EYS: variants seen among roughly 807,000 people sequenced by gnomAD.
The protein encoded by EYS is protein eyes shut homolog.
A neutral mutation model predicts 282.1 loss-of-function variants in EYS; 250 were observed. The observed-to-expected ratio is 0.89, with a 90% confidence interval of 0.80 to 0.98. The LOEUF (loss-of-function observed/expected upper bound fraction) is 0.98. Among genes scored for constraint, EYS ranks in the 50% least tolerant of loss-of-function variants. The pLI, the probability that EYS is intolerant of heterozygous loss-of-function variation, is 0.00. For missense variants in EYS, 4,016 were observed against 3,709.0 expected (o/e 1.08, Z -2.15); for synonymous variants, 1,355 against 1,282.9 (o/e 1.06, Z -1.20).
At chr6:63,862,350 T>C (rs1772556334) in intron 36 of EYS, among the ~76,000 whole-genome samples, 1 of 152,190 alleles carries the variant, frequency 6.6e-6, no homozygotes, top group African/African-American at 2.4e-5. Flanking sequence ...CTGGCAACTT[T>C]GTGGAATATA....
intron 30 of EYS, among the ~76,000 whole-genome samples, chr6:64,251,365 A>G (rs1485514568): frequency 6.6e-6 from 1 of 152,112 alleles, no homozygotes; most frequent in Non-Finnish European, 1.5e-5. Flanking sequence ...TGGACCTCAG[A>G]GAATTATGGT....
At chr6:64,104,882 A>C (rs1380427773) in intron 31 of EYS, among the ~76,000 whole-genome samples, 5 of 151,934 alleles carry the variant, frequency 3.3e-5, no homozygotes, top group Non-Finnish European at 7.4e-5. Context: ...ACAGCCTTTT[A>C]AGTCAATTCT....
At chr6:65,672,072 A>G (rs1020115066) in intron 1 of EYS, among the ~76,000 whole-genome samples, 4 of 152,226 alleles carry the variant, frequency 2.6e-5, no homozygotes, top group Middle Eastern at 3.4e-3. Context: ...ATGCTTGAGG[A>G]TACTGAAAAC....
chr6:64,814,918 C>T (rs967688499), intron 21 of EYS, among the ~76,000 whole-genome samples: 2 of 151,816 alleles, frequency 1.3e-5, no homozygotes, highest in African/African-American at 4.8e-5. Flanking sequence ...TAATTGACAC[C>T]TATGCTTACA....
intron 29 of EYS, among the ~76,000 whole-genome samples, chr6:64,386,071 T>A (rs1050692761): frequency 6.6e-6 from 1 of 152,182 alleles, no homozygotes; most frequent in Non-Finnish European, 1.5e-5. Flanking sequence ...CACAGCCATA[T>A]GTTAATGATC....
At chr6:64,296,177 GAA>G (rs1362621231) in intron 30 of EYS, among the ~76,000 whole-genome samples, 3 of 152,082 alleles carry the variant, frequency 2.0e-5, no homozygotes, top group Non-Finnish European at 4.4e-5. Flanking sequence ...TAAATTATTT[GAA>G]AAGTCTATTA....
At chr6:65,281,727 G>A (rs1768224785) in intron 12 of EYS, among the ~76,000 whole-genome samples, 1 of 152,030 alleles carries the variant, frequency 6.6e-6, no homozygotes, top group Non-Finnish European at 1.5e-5. Context: ...AAGAGAATAG[G>A]TATGGATTGA....
intron 12 of EYS, among the ~76,000 whole-genome samples, chr6:65,070,037 A>G (rs1773859787): frequency 6.6e-6 from 1 of 151,906 alleles, no homozygotes. Flanking sequence ...CTGTAATTTT[A>G]TCTCCATTTA....
chr6:63,897,940 A>G (rs1274500740), intron 35 of EYS, among the ~76,000 whole-genome samples: 3 of 152,212 alleles, frequency 2.0e-5, no homozygotes, highest in Non-Finnish European at 4.4e-5. Flanking sequence ...GAGATGAAGC[A>G]GCTGGAAGCA....
intron 12 of EYS, among the ~76,000 whole-genome samples, chr6:65,271,410 G>C (rs1168019591): frequency 6.6e-6 from 1 of 151,432 alleles, no homozygotes; most frequent in African/African-American, 2.4e-5. Flanking sequence ...TTCTATTCAA[G>C]CTCTCAACAA....
chr6:64,657,244 G>A (rs1382401781), intron 22 of EYS, among the ~76,000 whole-genome samples: 1 of 152,186 alleles, frequency 6.6e-6, no homozygotes, highest in African/African-American at 2.4e-5. Flanking sequence ...GAGCCTATGT[G>A]TGTCTCTGCA....
At chr6:64,272,659 C>T (rs1767982117) in intron 30 of EYS, among the ~76,000 whole-genome samples, 1 of 152,118 alleles carries the variant, frequency 6.6e-6, no homozygotes, top group Non-Finnish European at 1.5e-5. Context: ...GTCTGATGTG[C>T]TTCCTTTAGG....
chr6:64,143,326 G>A (rs1348952197), intron 31 of EYS, among the ~76,000 whole-genome samples: 1 of 138,938 alleles, frequency 7.2e-6, no homozygotes, highest in Non-Finnish European at 1.5e-5. Flanking sequence ...GACTTTGGGT[G>A]ATGATGTGTA....
chr6:65,430,105 A>G (rs1767825458), intron 5 of EYS, among the ~76,000 whole-genome samples: 1 of 152,180 alleles, frequency 6.6e-6, no homozygotes, highest in South Asian at 2.1e-4. Context: ...GAGGTAGAGC[A>G]AGATGGCAGA....
intron 29 of EYS, among the ~76,000 whole-genome samples, chr6:64,309,476 A>G (rs1345625497): frequency 2.0e-5 from 3 of 152,246 alleles, no homozygotes; most frequent in African/African-American, 7.2e-5. Flanking sequence ...ATGTTTTAAT[A>G]GACTGACCAC....
chr6:64,630,781 G>T (rs764809071), intron 22 of EYS, among the ~76,000 whole-genome samples: 1 of 152,070 alleles, frequency 6.6e-6, no homozygotes, highest in Non-Finnish European at 1.5e-5. Context: ...TACATTCTTA[G>T]CTTGAATGGA....
intron 1 of EYS, among the ~76,000 whole-genome samples, chr6:65,680,117 A>C (rs796884516): frequency 2.0e-5 from 2 of 102,144 alleles, no homozygotes; most frequent in African/African-American, 4.2e-5. Flanking sequence ...CACACACACA[A>C]AGCAAATGTT....
At chr6:64,002,297 A>G (rs992205148) in intron 33 of EYS, among the ~76,000 whole-genome samples, 15 of 152,112 alleles carry the variant, frequency 9.9e-5, no homozygotes, top group African/African-American at 3.6e-4. Context: ...CCACCACTCA[A>G]TAAAACCTTG....
chr6:64,655,576 A>G (rs1768715280), intron 22 of EYS, among the ~76,000 whole-genome samples: 2 of 152,046 alleles, frequency 1.3e-5, no homozygotes, highest in Admixed American at 6.6e-5. Flanking sequence ...TTTGCTATAT[A>G]TATGTGTCTT....
Sources: gnomAD v4.1 joint callset for allele counts (sites outside exome capture counted in the v4.1 genomes callset) on GRCh38, gnomAD v4.1.1 for gene constraint, MANE v1.5 for transcripts, NCBI Gene and HGNC (gene_info 2026-07-23, HGNC 2026-07-21) for gene names.